The following RIPK2 variants were observed in gnomAD, a reference collection of about 807,000 sequenced individuals.
The protein encoded by RIPK2 is receptor interacting serine/threonine kinase 2.
RIPK2 carries 38 observed loss-of-function variants against 60.9 expected under a neutral mutation model. That is an observed-to-expected ratio of 0.62 (90% CI 0.48 to 0.82). RIPK2 has a LOEUF of 0.82. RIPK2 is among the 40% of genes least tolerant of loss of function. RIPK2 has a pLI of 0.00. For synonymous variants in RIPK2, 225 were observed against 223.4 expected, an observed-to-expected ratio of 1.01 and a Z score of -0.06; for missense variants, 518 against 647.0, an observed-to-expected ratio of 0.80 and a Z score of 2.16.
rs1489672843 is a variant in RIPK2 at position 89,786,649 on chromosome 8, G to C, written c.1086G>C (p.Arg362Ser). The change falls in exon 9 of 11, where the codon AGG becomes AGC. Residue 362 changes from arginine (R) to serine (S), a missense_variant. Transcript: ENST00000220751. ...HENSGSPETSRSLPAPQDNDF... is the reference protein window; with the variant it reads ...HENSGSPETSSSLPAPQDNDF... Reference sequence around the variant, plus strand: ...ATAGTGGTTCTCCTGAAACTTCAAGGTCCCTGCCAGCTCCTCAAGACAATG... The same window carrying C: ...ATAGTGGTTCTCCTGAAACTTCAAGCTCCCTGCCAGCTCCTCAAGACAATG... 1 of 1,597,236 alleles carries C rather than the reference G, an allele frequency of 6.3e-7. No individual in the cohort carries two copies. Among genetic ancestry groups the C allele is most frequent in the South Asian group, 1.1e-5 (1 of 90,098 alleles).
intron 7 of RIPK2, among the ~76,000 whole-genome samples, chr8:89,781,354 A>ATTTTTTTTTTTCTTTTTTTT (rs1161497561): frequency 1.2e-4 from 17 of 144,046 alleles, no homozygotes; most frequent in African/African-American, 4.4e-4. Context: ...AATAGATTGA[A>ATTTTTTTTTTTCTTTTTTTT]TTTTTTTTTT....
At chr8:89,775,929 A>G (rs1323503112) in intron 6 of RIPK2, among the ~76,000 whole-genome samples, 3 of 152,216 alleles carry the variant, frequency 2.0e-5, no homozygotes, top group Admixed American at 2.0e-4. Context: ...AGGAAGAAAG[A>G]TAGATGTTGA....
At chr8:89,788,482 C>T (rs1030388322) in intron 9 of RIPK2, among the ~76,000 whole-genome samples, 4 of 151,846 alleles carry the variant, frequency 2.6e-5, no homozygotes, top group African/African-American at 9.7e-5. Context: ...GAAAATATAA[C>T]ACTAAGGTTC....
Position 89,765,220 on chromosome 8 carries a change from G to A in RIPK2, c.328-121G>A, listed in dbSNP as rs149837695. The stretch of plus-strand genomic sequence containing the variant: ...CAAATTGGTGCTATTTTATAAAAAT[G>A]AGCATATGTTTTAACCTTAGTTTAT... On this transcript the variant is annotated intron_variant, in intron 2 of 10. Coordinates refer to ENST00000220751, the MANE Select transcript of RIPK2 (RefSeq NM_003821.6). 2,670 of 600,068 alleles carry A rather than the reference G, an allele frequency of 4.4e-3. 12 individuals are homozygous for A. The highest frequency in any genetic ancestry group is 0.034 in the Middle Eastern group (110 of 3,226). 37.2% of individuals were successfully genotyped at this position (600,068 alleles called of 1,614,324 possible). A position where few individuals can be genotyped will look rare whatever the true frequency, so the allele number is the denominator to read the frequency against.
chr8:89,758,352 T>TC (rs2130536124), intron 1 of RIPK2, 119 bp downstream of exon 1: 1 of 1,062,208 alleles, frequency 9.4e-7, no homozygotes, highest in Non-Finnish European at 1.3e-6. Flanking sequence ...CCTCACCTCG[T>TC]CACCTCTAGG....
At chr8:89,769,996 T>A in intron 4 of RIPK2, 67 bp downstream of exon 4, 1 of 1,272,058 alleles carries the variant, frequency 7.9e-7, no homozygotes, top group Non-Finnish European at 1.1e-6. Context: ...AACCAGAATT[T>A]TGAAGCTACA....
At position 89,765,401 on chromosome 8, in the gene RIPK2, C is replaced by G. The variant is rs1809210506; in HGVS notation, c.388C>G (p.Leu130Val). Residue 130 changes from leucine (L) to valine (V), a missense_variant, in exon 3 of 11, where the codon CTT (leucine) becomes GTT (valine). Physicochemically the swap from Leu to Val is conservative, Grantham distance 32. Transcript: ENST00000220751. ...LRFRILHEIA[L>V]GVNYLHNMTP... ...ATTTCGCATCCTGCATGAAATTGCC[C>G]TTGGTGTAAATTACCTGCACAATAT... 6.2e-7 allele frequency: 1 copy of G among 1,608,112 alleles called. No homozygotes were observed. Among genetic ancestry groups the G allele is most frequent in the Non-Finnish European group, 8.5e-7 (1 of 1,175,266 alleles).
At chr8:89,789,256 A>T (rs768359238) in intron 9 of RIPK2, 65 bp from the exon 10 acceptor site, 3 of 1,393,026 alleles carry the variant, frequency 2.2e-6, no homozygotes, top group Non-Finnish European at 3.0e-6. Flanking sequence ...TCAGATGTTG[A>T]CATGTTAGCC....
intron 7 of RIPK2, among the ~76,000 whole-genome samples, chr8:89,783,836 T>C (rs924466970): frequency 6.6e-6 from 1 of 152,176 alleles, no homozygotes; most frequent in Non-Finnish European, 1.5e-5. Flanking sequence ...AGGTAACCAA[T>C]TAATATGAGC....
intron 3 of RIPK2, among the ~76,000 whole-genome samples, chr8:89,766,101 T>G (rs534010953): frequency 9.9e-5 from 15 of 151,906 alleles, no homozygotes; most frequent in Non-Finnish European, 1.9e-4. Flanking sequence ...TCATATAGTA[T>G]GTGATATTTT....
chr8:89,772,832 A>G lies in RIPK2; in HGVS notation c.853+4A>G. 6.3e-7 allele frequency: 1 copy of G among 1,592,896 alleles called. No homozygotes were observed. The highest frequency in any genetic ancestry group is 8.6e-7 in the Non-Finnish European group (1 of 1,167,862). On this transcript the variant is annotated splice_donor_region_variant and intron_variant, in intron 6 of 10. Coordinates refer to ENST00000220751, the MANE Select transcript of RIPK2 (RefSeq NM_003821.6). ...GATGAAAGACCATCTTTCTTAAGTG[A>G]GTATATAGTTTTAACCTAGACTCTT...
At chr8:89,772,602 T>G in intron 5 of RIPK2, 65 bp from the exon 6 acceptor site, 1 of 1,180,982 alleles carries the variant, frequency 8.5e-7, no homozygotes, top group Non-Finnish European at 1.2e-6. Context: ...TAGTTAGTTT[T>G]AGATGTAAGT....
intron 4 of RIPK2, 50 bp downstream of exon 4, chr8:89,769,979 A>G: frequency 7.2e-7 from 1 of 1,387,874 alleles, no homozygotes; most frequent in Non-Finnish European, 9.7e-7. Context: ...CAGACACAAA[A>G]TTAGTCAACC....
chr8:89,784,141 T>TA lies in RIPK2; in HGVS notation c.1029+25dup, dbSNP rs71268283. ...CCTGTAAATCATGGTCCACAAGAGG[T>TA]AAAAAAAAAAAAAAAAAAAAAAAGG... On this transcript the variant is annotated splice_region_variant and intron_variant, in intron 8 of 10. Coordinates refer to ENST00000220751, the MANE Select transcript of RIPK2 (RefSeq NM_003821.6). 0.12 allele frequency: 65,029 copies of TA among 546,024 alleles called. 5,294 individuals are homozygous for TA. The highest frequency in any genetic ancestry group is 0.23 in the Admixed American group (4,549 of 19,550). 33.8% of individuals were successfully genotyped at this position (546,024 alleles called of 1,614,324 possible). A position where few individuals can be genotyped will look rare whatever the true frequency, so the allele number is the denominator to read the frequency against.
intron 2 of RIPK2, among the ~76,000 whole-genome samples, chr8:89,763,250 T>C (rs987628758): frequency 2.0e-5 from 3 of 152,200 alleles, no homozygotes; most frequent in African/African-American, 7.2e-5. Flanking sequence ...ACATGCATAT[T>C]ACATGGGTAG....
At chr8:89,762,788 T>C (rs987658189) in intron 1 of RIPK2, 41 bp from the exon 2 acceptor site, 3 of 1,154,062 alleles carry the variant, frequency 2.6e-6, no homozygotes, top group African/African-American at 3.2e-5. Context: ...TAATTGTATA[T>C]TTTTTTATTA....
At chr8:89,790,027 G>A (rs542140332) in intron 10 of RIPK2, 52 bp from the exon 11 acceptor site, 1 of 1,251,314 alleles carries the variant, frequency 8.0e-7, no homozygotes, top group Non-Finnish European at 1.1e-6. Flanking sequence ...TTTACTTATT[G>A]CTATGTATCT....
At chr8:89,760,389 A>G (rs958440893) in intron 1 of RIPK2, among the ~76,000 whole-genome samples, 5 of 152,344 alleles carry the variant, frequency 3.3e-5, no homozygotes, top group African/African-American at 1.2e-4. Context: ...TGTAGATGAC[A>G]TAACTTTTCT....
intron 5 of RIPK2, 27 bp downstream of exon 5, chr8:89,771,817 T>G (rs753624525): frequency 7.1e-7 from 1 of 1,416,406 alleles, no homozygotes; most frequent in African/African-American, 1.4e-5. Flanking sequence ...TTTTTTATGC[T>G]CAATAACATC....
Sources: gnomAD v4.1 joint callset for allele counts (sites outside exome capture counted in the v4.1 genomes callset) on GRCh38, gnomAD v4.1.1 for gene constraint, MANE v1.5 for transcripts, NCBI Gene and HGNC (gene_info 2026-07-23, HGNC 2026-07-21) for gene names.